Variants in GRIK3 observed in about 807,000 individuals in gnomAD.
The protein encoded by GRIK3 is glutamate ionotropic receptor kainate type subunit 3.
In GRIK3, 29 loss-of-function variants were observed where a neutral mutation model predicts 102.5. That is an observed-to-expected ratio of 0.28 (90% CI 0.21 to 0.39). The LOEUF is 0.39. GRIK3 is among the 10% of genes least tolerant of loss of function. GRIK3 has a pLI of 1.00. For missense variants in GRIK3, 908 were observed against 1,252.4 expected (o/e 0.73, Z 4.15); for synonymous variants, 511 against 504.9 (o/e 1.01, Z -0.16).
At chr1:36,971,199 G>A (rs1232676384) in intron 1 of GRIK3, among the ~76,000 whole-genome samples, 4 of 152,178 alleles carry the variant, frequency 2.6e-5, no homozygotes, top group Admixed American at 6.5e-5. Context: ...ACATAGAGAT[G>A]GGCAAGTGTC....
chr1:36,957,062 C>T (rs1412644023), intron 1 of GRIK3, among the ~76,000 whole-genome samples: 1 of 152,244 alleles, frequency 6.6e-6, no homozygotes, highest in East Asian at 1.9e-4. Context: ...CGGCAGATGC[C>T]ACACAGCTAT....
chr1:36,863,303 G>A (rs1436893183), intron 5 of GRIK3, among the ~76,000 whole-genome samples: 3 of 152,104 alleles, frequency 2.0e-5, no homozygotes, highest in Admixed American at 2.0e-4. Flanking sequence ...TGCCAGGGCA[G>A]TCACCCTCTG....
At chr1:36,846,096 C>T (rs531252202) in intron 9 of GRIK3, among the ~76,000 whole-genome samples, 3 of 152,232 alleles carry the variant, frequency 2.0e-5, no homozygotes, top group South Asian at 2.1e-4. Flanking sequence ...AAGAGTGGGC[C>T]GGGTGTGTTT....
Position 36,918,439 on chromosome 1 carries a change from C to T in GRIK3, c.116-27343G>A, listed in dbSNP as rs114920495. Among the ~76,000 whole-genome samples, 160 of 152,334 alleles carry T rather than the reference C, an allele frequency of 1.1e-3. 1 individual carries two copies. The highest frequency in any genetic ancestry group is 3.5e-3 in the African/African-American group (144 of 41,568). The stretch of plus-strand genomic sequence containing the variant: ...TCTTTGCCCATGTCTTTGCTCATGA[C>T]ATTACATTTATTATTAATGGCGACA... On this transcript the variant is annotated intron_variant, in intron 1 of 15. Coordinates refer to ENST00000373091, the MANE Select transcript of GRIK3 (RefSeq NM_000831.4).
chr1:37,003,414 A>G (rs1335942822), intron 1 of GRIK3, among the ~76,000 whole-genome samples: 1 of 150,668 alleles, frequency 6.6e-6, no homozygotes, highest in African/African-American at 2.4e-5. Context: ...CTCCCAGGTC[A>G]ATCCCATATT....
At chr1:36,946,536 A>G (rs1357663170) in intron 1 of GRIK3, among the ~76,000 whole-genome samples, 1 of 152,188 alleles carries the variant, frequency 6.6e-6, no homozygotes, top group Non-Finnish European at 1.5e-5. Context: ...ATCCTGGAAC[A>G]CACACTCCCC....
intron 1 of GRIK3, among the ~76,000 whole-genome samples, chr1:37,011,611 A>G (rs1288095491): frequency 6.6e-6 from 1 of 152,256 alleles, no homozygotes; most frequent in East Asian, 1.9e-4. Flanking sequence ...TTTTATTAGC[A>G]TGCAGTGGAG....
intron 12 of GRIK3, among the ~76,000 whole-genome samples, chr1:36,818,200 A>G (rs1249422739): frequency 3.9e-5 from 6 of 152,176 alleles, no homozygotes; most frequent in African/African-American, 9.7e-5. Context: ...TCAAAACCAC[A>G]TGGAGAATAC....
At chr1:36,993,118 G>A (rs1642380399) in intron 1 of GRIK3, among the ~76,000 whole-genome samples, 1 of 152,174 alleles carries the variant, frequency 6.6e-6, no homozygotes, top group Non-Finnish European at 1.5e-5. Context: ...TGGAAGAAGA[G>A]CCAGAGAGGT....
In GRIK3 at chr1:36,995,762, C is replaced by T. The variant is rs576133092; in HGVS notation, c.115+38232G>A. Reference sequence around the variant, plus strand: ...AGTTTTCCCAGTTCTCTGAGATCCCCGTCTCAGGCCATGGAACCCTGCTCC... The same window carrying T: ...AGTTTTCCCAGTTCTCTGAGATCCCTGTCTCAGGCCATGGAACCCTGCTCC... On this transcript the variant is annotated intron_variant, in intron 1 of 15. Coordinates refer to ENST00000373091, the MANE Select transcript of GRIK3 (RefSeq NM_000831.4). Among the ~76,000 whole-genome samples, 6 of 152,312 alleles carry T rather than the reference C, an allele frequency of 3.9e-5. No homozygotes were observed. The East Asian group carries it at 7.7e-4, about 20-fold the overall frequency.
intron 1 of GRIK3, among the ~76,000 whole-genome samples, chr1:36,920,188 C>T (rs1301908391): frequency 6.6e-6 from 1 of 152,196 alleles, no homozygotes; most frequent in East Asian, 1.9e-4. Flanking sequence ...AATGCCTCTT[C>T]TCTAGAGGGA....
chr1:36,890,850 T>A (rs1478652518), intron 2 of GRIK3, 70 bp downstream of exon 2: 1 of 1,286,938 alleles, frequency 7.8e-7, no homozygotes, highest in East Asian at 2.4e-5. Context: ...TCCCAGGATC[T>A]TGGACAGCAA....
At chr1:36,842,338 C>T (rs2124217497) in intron 9 of GRIK3, among the ~76,000 whole-genome samples, 1 of 152,312 alleles carries the variant, frequency 6.6e-6, no homozygotes, top group Middle Eastern at 3.4e-3. Flanking sequence ...TAGAAATGCA[C>T]ATTCTCAGGC....
intron 2 of GRIK3, among the ~76,000 whole-genome samples, chr1:36,886,104 C>A (rs781271456): frequency 6.6e-6 from 1 of 152,152 alleles, no homozygotes; most frequent in Non-Finnish European, 1.5e-5. Context: ...CTGCCTCTGG[C>A]GCTGCCTGGA....
intron 1 of GRIK3, among the ~76,000 whole-genome samples, chr1:36,921,616 C>CT (rs5773552): frequency 2.0e-5 from 3 of 151,528 alleles, no homozygotes; most frequent in South Asian, 2.1e-4. Context: ...TCAAATCACA[C>CT]TTTTTTTTTT....
chr1:36,996,033 G>A (rs185562383), intron 1 of GRIK3, among the ~76,000 whole-genome samples: 36 of 152,090 alleles, frequency 2.4e-4, no homozygotes, highest in African/African-American at 7.7e-4. Context: ...CTGATGTCTG[G>A]TGGCCCGAGA....
intron 1 of GRIK3, among the ~76,000 whole-genome samples, chr1:36,922,236 C>T (rs543582742): frequency 6.6e-6 from 1 of 152,312 alleles, no homozygotes; most frequent in African/African-American, 2.4e-5. Flanking sequence ...GAGAGGCCAC[C>T]CTGAACTCTG....
intron 1 of GRIK3, among the ~76,000 whole-genome samples, chr1:36,903,467 G>A (rs1010484758): frequency 2.6e-5 from 4 of 152,202 alleles, no homozygotes; most frequent in South Asian, 4.1e-4. Flanking sequence ...GCACTCCTTC[G>A]TATTTACACA....
intron 1 of GRIK3, among the ~76,000 whole-genome samples, chr1:36,954,626 C>G (rs1484419180): frequency 6.6e-6 from 1 of 152,214 alleles, no homozygotes; most frequent in Admixed American, 6.5e-5. Flanking sequence ...TTCCAAAGGA[C>G]AGGTCCCTGA....
Sources: gnomAD v4.1 joint callset for allele counts (sites outside exome capture counted in the v4.1 genomes callset) on GRCh38, gnomAD v4.1.1 for gene constraint, MANE v1.5 for transcripts, NCBI Gene and HGNC (gene_info 2026-07-23, HGNC 2026-07-21) for gene names.